Variants in HACL1 observed in about 807,000 individuals in gnomAD.
The protein encoded by HACL1 is 1600020H07Rik.
In HACL1, 64 loss-of-function variants were observed where a neutral mutation model predicts 74.2. The observed-to-expected ratio is 0.86, with a 90% CI of 0.70 to 1.06. The LOEUF is 1.06. Among genes scored for constraint, HACL1 ranks in the 50% least tolerant of loss-of-function variants. HACL1 has a pLI of 0.00. For synonymous variants in HACL1, 230 were observed against 238.8 expected, an observed-to-expected ratio of 0.96 and a Z score of 0.34; for missense variants, 728 against 719.7, an observed-to-expected ratio of 1.01 and a Z score of -0.13.
At chr3:15,599,574 A>G (rs982436255) in intron 2 of HACL1, among the ~76,000 whole-genome samples, 1 of 152,026 alleles carries the variant, frequency 6.6e-6, no homozygotes, top group Non-Finnish European at 1.5e-5. Flanking sequence ...CCTACCTACC[A>G]GTCTCACAGC....
At chr3:15,576,048 C>T (rs1199401210) in intron 9 of HACL1, among the ~76,000 whole-genome samples, 1 of 78,872 alleles carries the variant, frequency 1.3e-5, no homozygotes, top group Non-Finnish European at 2.3e-5. Flanking sequence ...CCCAGCTACT[C>T]AGGAGGCTGA....
intron 4 of HACL1, among the ~76,000 whole-genome samples, chr3:15,591,255 TAA>T (rs1336690455): frequency 6.6e-6 from 1 of 152,164 alleles, no homozygotes; most frequent in Non-Finnish European, 1.5e-5. Context: ...CTTTTTTTCC[TAA>T]GATATTGTAG....
At chr3:15,570,825 A>C (rs1325008580) in intron 12 of HACL1, among the ~76,000 whole-genome samples, 1 of 152,118 alleles carries the variant, frequency 6.6e-6, no homozygotes, top group African/African-American at 2.4e-5. Context: ...TAAAAATGTT[A>C]AATAAAAAAG....
chr3:15,587,735 A>G (rs2063819046), intron 5 of HACL1, among the ~76,000 whole-genome samples: 1 of 152,202 alleles, frequency 6.6e-6, no homozygotes, highest in Non-Finnish European at 1.5e-5. Flanking sequence ...ACTATTAACT[A>G]AATAAAACTT....
In HACL1 at chr3:15,567,858, T is replaced by C. The variant is rs753778887; in HGVS notation, c.1395A>G (p.Val465=). ...DSAFGFSGME[V]ETICRYNLPI... is the part of the protein sequence containing the mutation. ...TGATGTTTTACCTGCAGATGGTTTC[T>C]ACCTCCATGCCAGAAAACCCAAATG... is the stretch of plus-strand genomic sequence containing the variant. Residue 465 remains valine (V), a synonymous_variant, in exon 14 of 17, where the codon GTA becomes GTG. Coordinates refer to ENST00000321169, the MANE Select transcript of HACL1 (RefSeq NM_012260.4). 8 of 1,613,836 alleles carry C rather than the reference T, an allele frequency of 5.0e-6. No individual in the cohort carries two copies. The African/African-American group carries it at 6.7e-5, about 13-fold the overall frequency.
At chr3:15,568,405 G>T (rs201128934) in intron 13 of HACL1, 27 bp downstream of exon 13, 129 of 1,423,766 alleles carry the variant, frequency 9.1e-5, no homozygotes, top group Non-Finnish European at 1.2e-4. Context: ...AATGAATTAC[G>T]ACTTCTTTCT....
At chr3:15,581,162 A>G (rs1230350729) in intron 8 of HACL1, among the ~76,000 whole-genome samples, 2 of 152,338 alleles carry the variant, frequency 1.3e-5, no homozygotes, top group African/African-American at 4.8e-5. Flanking sequence ...TCGGCCTCCC[A>G]AAGTGTTGGG....
chr3:15,572,045 G>A (rs1431255570), intron 11 of HACL1, among the ~76,000 whole-genome samples: 1 of 151,594 alleles, frequency 6.6e-6, no homozygotes, highest in Non-Finnish European at 1.5e-5. Context: ...TCACCATGTT[G>A]GCCAGGCTGG....
intron 3 of HACL1, among the ~76,000 whole-genome samples, chr3:15,591,921 ATATATACG>A (rs1456468478): frequency 6.6e-6 from 1 of 150,470 alleles, no homozygotes; most frequent in Non-Finnish European, 1.5e-5. Flanking sequence ...TATATAGTGT[ATATATACG>A]TATATACGTG....
chr3:15,584,571 G>A lies in HACL1; in HGVS notation c.554+677C>T, dbSNP rs150113671. ...CCACTGCACTCCAGCCCGGGCAACA[G>A]GGAGAGACTCAGTCTCAAATTGAAA... On this transcript the variant is annotated intron_variant, in intron 7 of 16. Coordinates refer to ENST00000321169, the MANE Select transcript of HACL1 (RefSeq NM_012260.4). 4.2e-3 allele frequency among the ~76,000 whole-genome samples: 641 copies of A among 152,206 alleles called. 3 individuals are homozygous for A. The highest frequency in any genetic ancestry group is 7.2e-3 in the Non-Finnish European group (492 of 67,996).
At chr3:15,567,162 A>G (rs2063448865) in intron 14 of HACL1, among the ~76,000 whole-genome samples, 1 of 148,008 alleles carries the variant, frequency 6.8e-6, no homozygotes, top group Non-Finnish European at 1.5e-5. Flanking sequence ...ACTTGATAGA[A>G]CCAGTATTTA....
intron 9 of HACL1, among the ~76,000 whole-genome samples, chr3:15,576,154 CAAAAAAAAAAA>C (rs1185744343): frequency 1.6e-5 from 1 of 62,482 alleles, no homozygotes; most frequent in African/African-American, 5.6e-5. Context: ...GACTCTGTCT[CAAAAAAAAAAA>C]AAAAAAAAAA....
At chr3:15,588,743 T>A (rs1006244533) in intron 5 of HACL1, among the ~76,000 whole-genome samples, 1 of 151,934 alleles carries the variant, frequency 6.6e-6, no homozygotes, top group African/African-American at 2.4e-5. Context: ...ACGAACCACG[T>A]GTCCAGCTTT....
chr3:15,564,503 T>C (rs1206159522), intron 15 of HACL1, 48 bp downstream of exon 15: 1 of 837,498 alleles, frequency 1.2e-6, no homozygotes, highest in Non-Finnish European at 2.0e-6. Flanking sequence ...TAAAAAGAGA[T>C]TAAAACGGGA....
Position 15,591,403 on chromosome 3 carries a change from A to G in HACL1, c.308+197T>C, listed in dbSNP as rs371274579. Among the ~76,000 whole-genome samples the G allele has an allele frequency of 3.3e-5, 5 of 152,058 alleles. No homozygotes were observed. The East Asian group carries it at 5.8e-4, about 18-fold the overall frequency. ...TTATCGTACTTGACTGAAACTTTGT[A>G]CCCTTTGACCTATCTCCCTATTCCC... On this transcript the variant is annotated intron_variant, in intron 4 of 16. Coordinates refer to ENST00000321169, the MANE Select transcript of HACL1 (RefSeq NM_012260.4).
intron 6 of HACL1, 140 bp from the exon 7 acceptor site, chr3:15,585,482 A>C (rs1465829080): frequency 1.7e-6 from 1 of 584,230 alleles, no homozygotes; most frequent in Non-Finnish European, 3.1e-6. Flanking sequence ...ATTATGATGA[A>C]AATCGAAATG....
At chr3:15,591,397 C>A (rs893866661) in intron 4 of HACL1, among the ~76,000 whole-genome samples, 1 of 152,026 alleles carries the variant, frequency 6.6e-6, no homozygotes, top group Non-Finnish European at 1.5e-5. Context: ...TTGACTGAAA[C>A]TTTGTACCCT....
intron 5 of HACL1, among the ~76,000 whole-genome samples, chr3:15,589,041 C>A (rs567386384): frequency 6.6e-6 from 1 of 152,274 alleles, no homozygotes; most frequent in East Asian, 1.9e-4. Flanking sequence ...CCTAAGCTCA[C>A]CCTTAATATC....
chr3:15,599,180 T>C (rs1371602548), intron 2 of HACL1, among the ~76,000 whole-genome samples: 1 of 152,230 alleles, frequency 6.6e-6, no homozygotes, highest in Non-Finnish European at 1.5e-5. Flanking sequence ...TACAATTGTC[T>C]GTGTCTGTCT....
Sources: allele counts gnomAD v4.1 joint callset (sites outside exome capture counted in the v4.1 genomes callset), GRCh38; gene constraint gnomAD v4.1.1; transcripts MANE v1.5; gene names NCBI Gene and HGNC (gene_info 2026-07-23, HGNC 2026-07-21).